The following KLHDC1 variants were observed in gnomAD, a reference collection of about 807,000 sequenced individuals.
KLHDC1 encodes kelch domain containing 1.
In KLHDC1, 53 loss-of-function variants were observed where a neutral mutation model predicts 68.3. That is an observed-to-expected ratio of 0.78 (90% CI 0.62 to 0.98). The LOEUF is 0.98. Ranked by LOEUF, KLHDC1 falls within the 50% of genes least tolerant of loss-of-function variation. The probability of loss-of-function intolerance (pLI) is 0.00; values close to 1 mark genes in which losing one functional copy is unlikely to be tolerated. For missense variants in KLHDC1, 470 were observed against 492.3 expected, an observed-to-expected ratio of 0.95 and a Z score of 0.43; for synonymous variants, 148 against 159.0, an observed-to-expected ratio of 0.93 and a Z score of 0.52.
chr14:49,730,369 G>C (rs886360417), intron 8 of KLHDC1, among the ~76,000 whole-genome samples: 2 of 151,548 alleles, frequency 1.3e-5, no homozygotes, highest in Non-Finnish European at 2.9e-5. Flanking sequence ...CTACAGGCGC[G>C]CACCACCACG....
At chr14:49,713,884 A>C in intron 4 of KLHDC1, among the ~76,000 whole-genome samples, 3 of 108,456 alleles carry the variant, frequency 2.8e-5, no homozygotes, top group African/African-American at 3.6e-5. Context: ...ACAGAGTCTC[A>C]CTCTGTCACC....
At chr14:49,702,973 CT>C (rs1446495539) in intron 1 of KLHDC1, among the ~76,000 whole-genome samples, 1 of 152,202 alleles carries the variant, frequency 6.6e-6, no homozygotes, top group Admixed American at 6.5e-5. Flanking sequence ...CTCACTCTTC[CT>C]TGCATCGACC....
intron 1 of KLHDC1, among the ~76,000 whole-genome samples, chr14:49,695,482 TCAACAATAAACTA>T (rs1887714165): frequency 6.6e-6 from 1 of 152,194 alleles, no homozygotes; most frequent in Non-Finnish European, 1.5e-5. Context: ...GCAGCAGTTC[TCAACAATAAACTA>T]CTCAGTAAGC....
chr14:49,729,463 G>T, intron 7 of KLHDC1, 27 bp from the exon 8 acceptor site: 2 of 1,518,452 alleles, frequency 1.3e-6, no homozygotes, highest in South Asian at 2.3e-5. Context: ...GTGAAATACT[G>T]ACCAATGTAA....
chr14:49,705,361 C>CTTTTTT (rs1334189965), intron 1 of KLHDC1, among the ~76,000 whole-genome samples: 1 of 35,312 alleles, frequency 2.8e-5, no homozygotes, highest in Non-Finnish European at 6.7e-5. Context: ...ATATTTCTTT[C>CTTTTTT]TTTCTTTTTT....
At chr14:49,707,177 A>G (rs578079397) in intron 1 of KLHDC1, among the ~76,000 whole-genome samples, 1 of 151,970 alleles carries the variant, frequency 6.6e-6, no homozygotes, top group African/African-American at 2.4e-5. Flanking sequence ...AAAGATAGGA[A>G]TCTAGTTTTT....
intron 1 of KLHDC1, among the ~76,000 whole-genome samples, chr14:49,704,574 T>C (rs1887999766): frequency 6.6e-6 from 1 of 151,840 alleles, no homozygotes; most frequent in South Asian, 2.1e-4. Flanking sequence ...TTTGTATTTT[T>C]AGTAGAGGCC....
At chr14:49,709,101 T>G (rs545108887) in intron 1 of KLHDC1, 58 bp from the exon 2 acceptor site, 2 of 719,278 alleles carry the variant, frequency 2.8e-6, no homozygotes, top group Admixed American at 5.2e-5. Flanking sequence ...CCTGAGAAGC[T>G]GTGTAACTGT....
rs138562032 is a variant in KLHDC1, at chr14:49,709,748, G to A, written c.207G>A (p.Met69Ile). ...TGGAAGGAGAACTCCCAGCCTCCAT[G>A]TCAGGAAGCTGTGGTGCTTGCATTA... is the stretch of plus-strand genomic sequence containing the variant. ...HLMEGELPAS[M>I]SGSCGACING... The change falls in exon 3 of 13, where the codon ATG becomes ATA. Residue 69 changes from methionine to isoleucine, a missense_variant. Physicochemically the swap from Met to Ile is conservative, Grantham distance 10. Coordinates refer to ENST00000359332, the MANE Select transcript of KLHDC1 (RefSeq NM_172193.3). The A allele has an allele frequency of 6.2e-7, 1 of 1,603,444 alleles. No homozygotes were observed. The highest frequency in any genetic ancestry group is 1.4e-5 in the African/African-American group (1 of 73,968).
intron 4 of KLHDC1, among the ~76,000 whole-genome samples, chr14:49,710,997 GT>G (rs1181642083): frequency 1.6e-5 from 2 of 125,186 alleles, no homozygotes; most frequent in African/African-American, 5.8e-5. Flanking sequence ...TTTTTTGTTT[GT>G]TTTTTGTTTT....
At chr14:49,708,869 GCTATTTTCTTTTA>G (rs1888126600) in intron 1 of KLHDC1, 1 of 183,060 alleles carries the variant, frequency 5.5e-6, no homozygotes, top group Non-Finnish European at 1.1e-5. Context: ...TTATTGTTTT[GCTATTTTCTTTTA>G]CATAAAGCCC....
chr14:49,710,282 G>A lies in KLHDC1; in HGVS notation c.305G>A (p.Arg102Gln), dbSNP rs1448862033. The A allele has an allele frequency of 4.4e-6, 7 of 1,598,566 alleles. No individual in the cohort carries two copies. Among genetic ancestry groups the A allele is most frequent in the South Asian group, 1.1e-5 (1 of 90,568 alleles). The change falls in exon 4 of 13, where the codon CGA (arginine) becomes CAA (glutamine). Residue 102 changes from arginine (R) to glutamine (Q), a missense_variant. Physicochemically the swap from Arg to Gln is conservative, Grantham distance 43. Transcript: ENST00000359332. ...TTAAAGCTTTATTTTGTTAATTTAC[G>A]AACAAGAGATGAAACCTACATTTGG... Reference protein sequence around the residue: ...YSNRLYFVNLRTRDETYIWEK... With the variant: ...YSNRLYFVNLQTRDETYIWEK...
chr14:49,713,456 A>G (rs1411537098), intron 4 of KLHDC1, among the ~76,000 whole-genome samples: 2 of 152,090 alleles, frequency 1.3e-5, no homozygotes, highest in Non-Finnish European at 2.9e-5. Context: ...TATTAACCCT[A>G]AGATACTGTT....
chr14:49,715,757 A>ATATATATATATATATATATAT (rs1206512681), intron 4 of KLHDC1, among the ~76,000 whole-genome samples: 1 of 123,618 alleles, frequency 8.1e-6, no homozygotes, highest in African/African-American at 3.1e-5. Context: ...AAAAAAAAAA[A>ATATATATATATATATATATAT]AAAAAAAAAT....
chr14:49,745,450 TAAG>T (rs1889178367), intron 12 of KLHDC1, among the ~76,000 whole-genome samples: 1 of 152,162 alleles, frequency 6.6e-6, no homozygotes, highest in South Asian at 2.1e-4. Flanking sequence ...TGCCATGAAA[TAAG>T]AAGGCATGGC....
chr14:49,706,406 A>G (rs1888051565), intron 1 of KLHDC1, among the ~76,000 whole-genome samples: 1 of 152,062 alleles, frequency 6.6e-6, no homozygotes, highest in Non-Finnish European at 1.5e-5. Flanking sequence ...GTTGCTTCGA[A>G]ATTTTGGGTA....
chr14:49,709,932 T>A, intron 3 of KLHDC1, 106 bp downstream of exon 3: 1 of 599,960 alleles, frequency 1.7e-6, no homozygotes, highest in Non-Finnish European at 2.8e-6. Flanking sequence ...ATAGAAAACC[T>A]TAAACTTGTA....
In KLHDC1 at chr14:49,728,923, C is replaced by T. The variant is rs958957264; in HGVS notation, c.568-3C>T. 1 of 1,601,392 alleles carries T rather than the reference C, an allele frequency of 6.2e-7. No homozygotes were observed. The highest frequency in any genetic ancestry group is 1.1e-5 in the South Asian group (1 of 90,814). On this transcript the variant is annotated splice_polypyrimidine_tract_variant and splice_region_variant and intron_variant, in intron 6 of 12. Coordinates refer to ENST00000359332, the MANE Select transcript of KLHDC1 (RefSeq NM_172193.3). ...TGCAGTCTGTTCTGATTTCTACTTG[C>T]AGGGTGGAGTTCCACCACAGCCACG... is the stretch of plus-strand genomic sequence containing the variant.
At chr14:49,750,630 G>C (rs1156859646) in intron 12 of KLHDC1, among the ~76,000 whole-genome samples, 1 of 152,096 alleles carries the variant, frequency 6.6e-6, no homozygotes, top group Non-Finnish European at 1.5e-5. Context: ...AAATGAGTCT[G>C]TTAAAAAAAT....
Sources: gnomAD v4.1 joint callset for allele counts (sites outside exome capture counted in the v4.1 genomes callset) on GRCh38, gnomAD v4.1.1 for gene constraint, MANE v1.5 for transcripts, NCBI Gene and HGNC (gene_info 2026-07-23, HGNC 2026-07-21) for gene names.